PDCD5: variants seen among roughly 807,000 people sequenced by gnomAD.
PDCD5 encodes the protein programmed cell death protein 5.
Under a neutral mutation model 21.9 loss-of-function variants are expected in PDCD5, and 23 were observed. That is an observed-to-expected ratio of 1.05 (90% confidence interval 0.76 to 1.49). The LOEUF (loss-of-function observed/expected upper bound fraction) is 1.49. Ranked by LOEUF, PDCD5 falls within the 40% of genes most tolerant of loss-of-function variation. The pLI, the probability that PDCD5 is intolerant of heterozygous loss-of-function variation, is 0.00. For missense variants in PDCD5, 152 were observed against 147.7 expected, an observed-to-expected ratio of 1.03 and a Z score of -0.15; for synonymous variants, 45 against 49.4, an observed-to-expected ratio of 0.91 and a Z score of 0.37.
In PDCD5 at chr19:32,586,840, C is replaced by G. The variant is rs1253217187; in HGVS notation, c.259-18C>G. 1 of 1,593,070 alleles carries G rather than the reference C, an allele frequency of 6.3e-7. No homozygotes were observed. The highest frequency in any genetic ancestry group is 1.2e-5 in the South Asian group (1 of 86,666). The stretch of plus-strand genomic sequence containing the variant: ...TTTAAAAAAGTACTGTTTTTCTTAT[C>G]TTTTCTGGTTCTCCTAGGTATCAGA... On this transcript the variant is annotated intron_variant, in intron 4 of 5. Transcript: ENST00000590247.
chr19:32,581,312 G>T lies in PDCD5; in HGVS notation c.51G>T (p.Leu17=). ...TGAGGAGACAGAGGCTGGCCGAGCT[G>T]CAGGCCAAACACGGGGTGAGCGCAT... The part of the protein sequence containing the change: ...EALRRQRLAE[L]QAKHGDPGDA... The change falls in exon 1 of 6, where the codon CTG becomes CTT. Residue 17 remains leucine, a synonymous_variant. Transcript: ENST00000590247. 2 of 1,523,330 alleles carry T rather than the reference G, an allele frequency of 1.3e-6. No homozygotes were observed. Among genetic ancestry groups the T allele is most frequent in the Non-Finnish European group, 8.8e-7 (1 of 1,139,682 alleles). The allele number at this position is 1,523,330 out of a possible 1,614,324, so 94.4% of individuals were successfully genotyped here.
chr19:32,584,093 A>T (rs1231459737), intron 2 of PDCD5, among the ~76,000 whole-genome samples: 1 of 152,010 alleles, frequency 6.6e-6, no homozygotes, highest in East Asian at 1.9e-4. Flanking sequence ...CAGCCTCCCA[A>T]AGTGCTGAGA....
rs559195182 is a variant in PDCD5, at chr19:32,582,276, A to G, written c.104+44A>G. The G allele has an allele frequency of 9.8e-6, 15 of 1,534,272 alleles. No homozygotes were observed. In the South Asian group the frequency reaches 1.1e-4, roughly 12 times the overall value. On this transcript the variant is annotated intron_variant, in intron 2 of 5. Coordinates refer to ENST00000590247, the MANE Select transcript of PDCD5 (RefSeq NM_004708.4). ...AACTTTTTGAAGGGTGGTTTCACCAAATGGATTTCTTTTGCTGTAGTTATT... is the reference window on the plus strand; with the variant it reads ...AACTTTTTGAAGGGTGGTTTCACCAGATGGATTTCTTTTGCTGTAGTTATT...
At chr19:32,583,375 G>T (rs947660179) in intron 2 of PDCD5, among the ~76,000 whole-genome samples, 1 of 151,978 alleles carries the variant, frequency 6.6e-6, no homozygotes, top group Non-Finnish European at 1.5e-5. Flanking sequence ...CTCCTGCTGG[G>T]CTCAAGTGAT....
chr19:32,583,149 T>C (rs1038169617), intron 2 of PDCD5, among the ~76,000 whole-genome samples: 5 of 152,218 alleles, frequency 3.3e-5, no homozygotes, highest in Non-Finnish European at 7.3e-5. Flanking sequence ...TTAAATTCTC[T>C]GCTTGAGGTT....
intron 2 of PDCD5, 131 bp downstream of exon 2, chr19:32,582,363 T>C: frequency 1.4e-6 from 1 of 722,790 alleles, no homozygotes; most frequent in South Asian, 1.6e-5. Context: ...GCCAAAATCA[T>C]CCGCAGGGTA....
At chr19:32,582,107 T>C in intron 1 of PDCD5, 88 bp from the exon 2 acceptor site, 1 of 871,274 alleles carries the variant, frequency 1.1e-6, no homozygotes, top group South Asian at 1.5e-5. Context: ...CGCAAGAGAC[T>C]GTTATGTATA....
rs10410673 is a variant in PDCD5 at position 32,582,238 on chromosome 19, G to T, written c.104+6G>T. 314 of 1,611,076 alleles carry T rather than the reference G, an allele frequency of 1.9e-4. No homozygotes were observed. The African/African-American group carries it at 3.9e-3, about 20-fold the overall frequency. On this transcript the variant is annotated splice_donor_region_variant and intron_variant, in intron 2 of 5. Coordinates refer to ENST00000590247, the MANE Select transcript of PDCD5 (RefSeq NM_004708.4). ...CAACAGGAAGCAAAGCACAGGTATG[G>T]GCTGGAAACGTGAACTTTTTGAAGG...
At chr19:32,585,786 AT>A in intron 3 of PDCD5, 29 bp from the exon 4 acceptor site, 1 of 1,280,080 alleles carries the variant, frequency 7.8e-7, no homozygotes, top group Non-Finnish European at 1.1e-6. Context: ...ATTTTAATGG[AT>A]TTTTTGCATA....
At position 32,586,901 on chromosome 19, in the gene PDCD5, A is replaced by G. The variant is rs1347573613; in HGVS notation, c.302A>G (p.Gln101Arg). 4 of 1,612,636 alleles carry G rather than the reference A, an allele frequency of 2.5e-6. No individual in the cohort carries two copies. In the Admixed American group the frequency reaches 6.7e-5, roughly 27 times the overall value. Reference sequence around the variant, plus strand: ...ATAGAAATCCTTAAAAAAGTAAGCCAACAAACAGAAAAGACAACAACAGTG... The same window carrying G: ...ATAGAAATCCTTAAAAAAGTAAGCCGACAAACAGAAAAGACAACAACAGTG... ...GLIEILKKVSQQTEKTTTVKF... is the reference protein window; with the variant it reads ...GLIEILKKVSRQTEKTTTVKF... The change falls in exon 5 of 6, where the codon CAA becomes CGA. Residue 101 changes from glutamine to arginine, a missense_variant. Physicochemically the swap from Gln to Arg is conservative, Grantham distance 43. Coordinates refer to ENST00000590247, the MANE Select transcript of PDCD5 (RefSeq NM_004708.4).
chr19:32,585,810 TTTTAG>T lies in PDCD5; in HGVS notation c.167-4_167del, dbSNP rs1374561073. 1 of 1,536,422 alleles carries T rather than the reference TTTTAG, an allele frequency of 6.5e-7. No homozygotes were observed. The highest frequency in any genetic ancestry group is 9.0e-7 in the Non-Finnish European group (1 of 1,112,090). On this transcript the variant is annotated splice_acceptor_variant and splice_polypyrimidine_tract_variant and intron_variant, in intron 3 of 5. Coordinates refer to ENST00000590247, the MANE Select transcript of PDCD5 (RefSeq NM_004708.4). LOFTEE classifies it high-confidence loss of function. ...GATTTTTTGCATATGTATTTTTTCT[TTTTAG>T]TAAGTAACTTAGCACTTGTAAAGCC...
At chr19:32,581,376 T>C (rs1306034193) in intron 1 of PDCD5, 49 bp downstream of exon 1, 1 of 1,343,706 alleles carries the variant, frequency 7.4e-7, no homozygotes, top group Admixed American at 2.6e-5. Flanking sequence ...GGCGCCGCCC[T>C]CGCCCGGAGT....
intron 3 of PDCD5, 125 bp downstream of exon 3, chr19:32,585,136 G>T (rs1299141705): frequency 1.3e-6 from 1 of 744,638 alleles, no homozygotes; most frequent in Non-Finnish European, 2.4e-6. Context: ...AGATGTGTAA[G>T]AAGTGTGAAG....
In PDCD5 at chr19:32,582,302, T is replaced by G. The variant is rs371304677; in HGVS notation, c.104+70T>G. The G allele has an allele frequency of 2.0e-5, 27 of 1,368,530 alleles. 1 individual carries two copies. The South Asian group carries it at 2.6e-4, about 13-fold the overall frequency. The allele number at this position is 1,368,530 out of a possible 1,614,324, so 84.8% of individuals were successfully genotyped here. A position where few individuals can be genotyped will look rare whatever the true frequency, so the allele number is the denominator to read the frequency against. ...ATGGATTTCTTTTGCTGTAGTTATT[T>G]TAAGCAGGTGTGTGACTCAGATTTT... On this transcript the variant is annotated intron_variant, in intron 2 of 5. Transcript: ENST00000590247.
At position 32,587,320 on chromosome 19, in the gene PDCD5, T is replaced by A. The variant is rs748291629; in HGVS notation, c.*20T>A. 61 of 1,566,086 alleles carry A rather than the reference T, an allele frequency of 3.9e-5. 1 individual carries two copies. In the South Asian group the frequency reaches 6.7e-4, roughly 17 times the overall value. Reference sequence around the variant, plus strand: ...TATTGAACTACAAGTGCTCACAGACTAGAACTTAACGGAACAAGTCTAGGA... The same window carrying A: ...TATTGAACTACAAGTGCTCACAGACAAGAACTTAACGGAACAAGTCTAGGA... On this transcript the variant is annotated 3_prime_UTR_variant, in exon 6 of 6. Coordinates refer to ENST00000590247, the MANE Select transcript of PDCD5 (RefSeq NM_004708.4).
intron 3 of PDCD5, among the ~76,000 whole-genome samples, chr19:32,585,226 TG>T: frequency 6.6e-6 from 1 of 152,320 alleles, no homozygotes; most frequent in South Asian, 2.1e-4. Flanking sequence ...TCTCCAGGTG[TG>T]TATTAGGTAA....
chr19:32,585,077 C>T (rs1357884748), intron 3 of PDCD5, 66 bp downstream of exon 3: 12 of 1,067,862 alleles, frequency 1.1e-5, no homozygotes, highest in East Asian at 2.4e-5. Flanking sequence ...GATTAGATAC[C>T]ATTATTGCTA....
At position 32,585,097 on chromosome 19, in the gene PDCD5, G is replaced by T. The variant is rs552036425; in HGVS notation, c.166+86G>T. The T allele has an allele frequency of 1.6e-5, 15 of 964,634 alleles. 1 individual carries two copies. The South Asian group carries it at 1.8e-4, about 12-fold the overall frequency. The allele number at this position is 964,634 out of a possible 1,614,324, so 59.8% of individuals were successfully genotyped here. A position where few individuals can be genotyped will look rare whatever the true frequency, so the allele number is the denominator to read the frequency against. ...GATACCATTATTGCTATCACTAGAT[G>T]AAATATTTGCTTAGGCTGAAAACAC... On this transcript the variant is annotated intron_variant, in intron 3 of 5. Coordinates refer to ENST00000590247, the MANE Select transcript of PDCD5 (RefSeq NM_004708.4).
chr19:32,586,273 T>C (rs1971475570), intron 4 of PDCD5: 3 of 1,414,654 alleles, frequency 2.1e-6, no homozygotes, highest in African/African-American at 2.9e-5. Context: ...ATGCCTTGCT[T>C]ATGTTCTCTG....
Sources: allele counts gnomAD v4.1 joint callset (sites outside exome capture counted in the v4.1 genomes callset), GRCh38; gene constraint gnomAD v4.1.1; transcripts MANE v1.5; gene names NCBI Gene and HGNC (gene_info 2026-07-23, HGNC 2026-07-21).